SCLT1: variants seen among roughly 807,000 people sequenced by gnomAD.
The protein encoded by SCLT1 is sodium channel-associated protein 1.
In SCLT1, 78 loss-of-function variants were observed where a neutral mutation model predicts 112.8. That is an observed-to-expected ratio of 0.69 (90% CI 0.58 to 0.83). The LOEUF (loss-of-function observed/expected upper bound fraction) is 0.83. Ranked by LOEUF, SCLT1 falls within the 40% of genes least tolerant of loss-of-function variation. The pLI, the probability that SCLT1 is intolerant of heterozygous loss-of-function variation, is 0.00. For synonymous variants in SCLT1, 257 were observed against 254.7 expected (o/e 1.01, Z -0.09); for missense variants, 747 against 770.4 (o/e 0.97, Z 0.36).
chr4:128,960,334 A>G (rs1395647628), intron 11 of SCLT1, among the ~76,000 whole-genome samples: 1 of 152,184 alleles, frequency 6.6e-6, no homozygotes, highest in Non-Finnish European at 1.5e-5. Context: ...AGGTAATGAC[A>G]GGAGCTTTTT....
intron 18 of SCLT1, among the ~76,000 whole-genome samples, chr4:128,909,419 T>C (rs552858514): frequency 6.6e-6 from 1 of 152,138 alleles, no homozygotes; most frequent in South Asian, 2.1e-4. Flanking sequence ...CAGAAAACTT[T>C]CATAATTTCT....
In SCLT1 at chr4:128,888,790, A is replaced by G. The variant is rs1170468584; in HGVS notation, c.1909-16T>C. 3 of 1,506,670 alleles carry G rather than the reference A, an allele frequency of 2.0e-6. No homozygotes were observed. In the South Asian group the frequency reaches 3.5e-5, roughly 17 times the overall value. 93.3% of individuals were successfully genotyped at this position (1,506,670 alleles called of 1,614,324 possible). A position where few individuals can be genotyped will look rare whatever the true frequency, so the allele number is the denominator to read the frequency against. ...GCTTTTCATTCTATTAAGGGGAAAT[A>G]GAAAACAAGTTAGAAATCCATATGT... On this transcript the variant is annotated splice_polypyrimidine_tract_variant and intron_variant, in intron 19 of 20. Coordinates refer to ENST00000281142, the MANE Select transcript of SCLT1 (RefSeq NM_144643.4).
chr4:128,891,175 T>G (rs760018306), intron 18 of SCLT1, 38 bp from the exon 19 acceptor site: 24 of 1,447,790 alleles, frequency 1.7e-5, no homozygotes, highest in Non-Finnish European at 1.9e-5. Flanking sequence ...ATATAATTGT[T>G]CCAAATAGAA....
In SCLT1 at chr4:129,030,741, C is replaced by G. The variant is rs1445117938; in HGVS notation, c.290+8300G>C. On this transcript the variant is annotated intron_variant, in intron 5 of 20. Transcript: ENST00000281142. ...GGATACATTCCTGAACACATACACC[C>G]TCCCAAGACTAAACCAGGAAGAAGT... 2.6e-5 allele frequency among the ~76,000 whole-genome samples: 4 copies of G among 152,226 alleles called. 1 individual carries two copies. Among genetic ancestry groups the G allele is most frequent in the South Asian group, 4.2e-4 (2 of 4,786 alleles).
At chr4:129,070,326 T>C (rs1172322547) in intron 2 of SCLT1, among the ~76,000 whole-genome samples, 1 of 152,030 alleles carries the variant, frequency 6.6e-6, no homozygotes, top group South Asian at 2.1e-4. Context: ...GTATCAAAAG[T>C]ATTGGCACCA....
At chr4:129,052,992 A>C (rs1748962273) in intron 2 of SCLT1, among the ~76,000 whole-genome samples, 1 of 152,194 alleles carries the variant, frequency 6.6e-6, no homozygotes. Context: ...TTTACCCAGT[A>C]GTCATTCAAG....
intron 14 of SCLT1, 28 bp from the exon 15 acceptor site, chr4:128,948,598 T>C: frequency 9.9e-6 from 15 of 1,519,388 alleles, no homozygotes; most frequent in African/African-American, 1.4e-5. Flanking sequence ...ATTGTAAATA[T>C]ATACATTTGG....
At chr4:128,897,303 C>G (rs1203889344) in intron 18 of SCLT1, among the ~76,000 whole-genome samples, 2 of 151,982 alleles carry the variant, frequency 1.3e-5, no homozygotes, top group African/African-American at 4.8e-5. Flanking sequence ...AAGGGAAGCC[C>G]ATCAGACTAA....
Position 129,082,357 on chromosome 4 carries a change from T to C in SCLT1, c.51A>G (p.Glu17=), listed in dbSNP as rs1304316895. Reference sequence around the variant, plus strand: ...TTTCCATTTGATACCGCCTAAAATCTTCATTTAGTCTTCGATCTGAAACAA... The same window carrying C: ...TTTCCATTTGATACCGCCTAAAATCCTCATTTAGTCTTCGATCTGAAACAA... The part of the protein sequence containing the change: ...FLREQNRRLN[E]DFRRYQMESF... Residue 17 remains glutamate (E), a synonymous_variant, in exon 2 of 21, where the codon GAA becomes GAG. Coordinates refer to ENST00000281142, the MANE Select transcript of SCLT1 (RefSeq NM_144643.4). 1 of 1,593,396 alleles carries C rather than the reference T, an allele frequency of 6.3e-7. No individual in the cohort carries two copies. Among genetic ancestry groups the C allele is most frequent in the African/African-American group, 1.3e-5 (1 of 74,462 alleles).
Position 128,959,797 on chromosome 4 carries a change from C to G in SCLT1, c.870-20G>C. On this transcript the variant is annotated intron_variant, in intron 11 of 20. Coordinates refer to ENST00000281142, the MANE Select transcript of SCLT1 (RefSeq NM_144643.4). ...CATAATCTAGAAATCAATAATTACA[C>G]TGGGAAAGTTAAACTTTTTTAAAGG... is the stretch of plus-strand genomic sequence containing the variant. The G allele has an allele frequency of 6.9e-6, 11 of 1,602,612 alleles. No individual in the cohort carries two copies. The highest frequency in any genetic ancestry group is 2.2e-5 in the East Asian group (1 of 44,712).
At chr4:128,880,306 G>C (rs1732611989), downstream of SCLT1, among the ~76,000 whole-genome samples, 1 of 152,088 alleles carries the variant, frequency 6.6e-6, no homozygotes, top group Admixed American at 6.6e-5. Context: ...CAATCTGTCT[G>C]GTCCTCTTCT....
intron 2 of SCLT1, among the ~76,000 whole-genome samples, chr4:129,072,739 C>T (rs1022226642): frequency 6.6e-6 from 1 of 152,078 alleles, no homozygotes; most frequent in Non-Finnish European, 1.5e-5. Context: ...TTGCACGGGG[C>T]TTCGCCTTTT....
At chr4:129,019,968 A>G (rs376255586) in intron 5 of SCLT1, among the ~76,000 whole-genome samples, 11 of 152,234 alleles carry the variant, frequency 7.2e-5, no homozygotes, top group African/African-American at 2.4e-4. Flanking sequence ...AAAATCCCTG[A>G]AGAACTCTCC....
chr4:128,913,687 G>A (rs1343715565), intron 18 of SCLT1, among the ~76,000 whole-genome samples: 1 of 152,132 alleles, frequency 6.6e-6, no homozygotes, highest in Non-Finnish European at 1.5e-5. Context: ...GAGAGTGGAG[G>A]ATGATTATCT....
intron 9 of SCLT1, among the ~76,000 whole-genome samples, chr4:128,975,273 T>C (rs1240230291): frequency 3.3e-5 from 5 of 151,976 alleles, no homozygotes; most frequent in Non-Finnish European, 5.9e-5. Context: ...TCTGCTGACC[T>C]CATGGTCCGC....
At chr4:129,083,450 C>CAAA (rs10708320) in intron 1 of SCLT1, among the ~76,000 whole-genome samples, 1 of 116,416 alleles carries the variant, frequency 8.6e-6, no homozygotes, top group Non-Finnish European at 1.7e-5. Context: ...TATCAAGAAC[C>CAAA]AAAAAAAAAA....
chr4:128,974,684 A>T (rs1032884627), intron 9 of SCLT1, among the ~76,000 whole-genome samples: 1 of 152,178 alleles, frequency 6.6e-6, no homozygotes, highest in Admixed American at 6.5e-5. Flanking sequence ...AGCTTTTAAA[A>T]TTTTTGAAGG....
chr4:129,075,028 T>A (rs1751339073), intron 2 of SCLT1, among the ~76,000 whole-genome samples: 1 of 152,114 alleles, frequency 6.6e-6, no homozygotes, highest in Non-Finnish European at 1.5e-5. Flanking sequence ...TCCAGATGAC[T>A]CCCTGAAATA....
intron 5 of SCLT1, among the ~76,000 whole-genome samples, chr4:129,012,631 CACT>C (rs150541248): frequency 0.014 from 2,184 of 152,192 alleles, 47 homozygotes; most frequent in African/African-American, 0.044. Flanking sequence ...TAAAGACTTC[CACT>C]ACTATTGTAT....
Sources: gnomAD v4.1 joint callset for allele counts (sites outside exome capture counted in the v4.1 genomes callset) on GRCh38, gnomAD v4.1.1 for gene constraint, MANE v1.5 for transcripts, NCBI Gene and HGNC (gene_info 2026-07-23, HGNC 2026-07-21) for gene names.